CAMKMT: variants seen among roughly 807,000 people sequenced by gnomAD.
CAMKMT encodes the protein calmodulin-lysine N-methyltransferase.
A neutral mutation model predicts 48.0 loss-of-function variants in CAMKMT; 53 were observed. The observed-to-expected ratio is 1.10, with a 90% CI of 0.89 to 1.39. The LOEUF is 1.39. Among genes scored for constraint, CAMKMT ranks in the 40% most tolerant of loss-of-function variants. The pLI is 0.00. For missense variants in CAMKMT, 428 were observed against 402.7 expected (o/e 1.06, Z -0.54); for synonymous variants, 165 against 152.3 (o/e 1.08, Z -0.61).
chr2:44,766,562 G>A lies in CAMKMT; in HGVS notation c.894+1G>A, dbSNP rs759734819. Reference sequence around the variant, plus strand: ...ACACATTTCAAACTTCCACTCCAAGGTTAGTTTTCTGCTTGTGTTAGATAA... The same window carrying A: ...ACACATTTCAAACTTCCACTCCAAGATTAGTTTTCTGCTTGTGTTAGATAA... On this transcript the variant is annotated splice_donor_variant, in intron 10 of 10. Coordinates refer to ENST00000378494, the MANE Select transcript of CAMKMT (RefSeq NM_024766.5). LOFTEE classifies it high-confidence loss of function. 10 of 1,613,638 alleles carry A rather than the reference G, an allele frequency of 6.2e-6. No homozygotes were observed. Among genetic ancestry groups the A allele is most frequent in the Non-Finnish European group, 8.5e-6 (10 of 1,179,952 alleles).
chr2:44,672,599 G>A (rs1001751268), intron 3 of CAMKMT, among the ~76,000 whole-genome samples: 5 of 152,056 alleles, frequency 3.3e-5, no homozygotes, highest in African/African-American at 1.2e-4. Flanking sequence ...CATTCAAAGG[G>A]AACACCATGA....
Position 44,614,936 on chromosome 2 carries a change from CTTTTTTTT to C in CAMKMT, c.377-89330_377-89323del, listed in dbSNP as rs3083440. ...TCTAACCAGCTCTTTGGTCTCCTTG[CTTTTTTTT>C]TTTTTTTTTTTTTTTTGAGACAGGG... On this transcript the variant is annotated intron_variant, in intron 3 of 10. Coordinates refer to ENST00000378494, the MANE Select transcript of CAMKMT (RefSeq NM_024766.5). 6.1e-4 allele frequency among the ~76,000 whole-genome samples: 30 copies of C among 48,990 alleles called. 1 individual carries two copies. The highest frequency in any genetic ancestry group is 1.1e-3 in the South Asian group (1 of 922). 32.1% of individuals were successfully genotyped at this position (48,990 alleles called of 152,430 possible).
At chr2:44,452,313 C>T (rs1268603760) in intron 3 of CAMKMT, among the ~76,000 whole-genome samples, 1 of 151,936 alleles carries the variant, frequency 6.6e-6, no homozygotes, top group East Asian at 1.9e-4. Flanking sequence ...GCTTATTAAG[C>T]TTCTAACTAG....
At chr2:44,631,742 A>G in intron 3 of CAMKMT, 3 of 377,932 alleles carry the variant, frequency 7.9e-6, no homozygotes, top group East Asian at 3.8e-5. Flanking sequence ...CTATCTTGCT[A>G]TTTGTTTTCT....
chr2:44,464,236 AC>A (rs1667996721), intron 3 of CAMKMT, among the ~76,000 whole-genome samples: 1 of 152,238 alleles, frequency 6.6e-6, no homozygotes. Flanking sequence ...ACTTGATCAA[AC>A]AGGAAAGAAT....
intron 3 of CAMKMT, among the ~76,000 whole-genome samples, chr2:44,455,420 C>T (rs1024541727): frequency 1.3e-5 from 2 of 152,242 alleles, no homozygotes; most frequent in East Asian, 3.9e-4. Flanking sequence ...CCATGATACA[C>T]TGTAAGGGCT....
At chr2:44,722,169 C>CTTTTTT (rs1678500543) in intron 7 of CAMKMT, among the ~76,000 whole-genome samples, 1 of 77,936 alleles carries the variant, frequency 1.3e-5, no homozygotes, top group South Asian at 5.2e-4. Context: ...TTTCCTTTTT[C>CTTTTTT]TTTTTTCTTT....
At chr2:44,585,224 T>A (rs1669793248) in intron 3 of CAMKMT, among the ~76,000 whole-genome samples, 1 of 152,240 alleles carries the variant, frequency 6.6e-6, no homozygotes, top group East Asian at 1.9e-4. Context: ...AGTCACCACA[T>A]AGGAGAGCAT....
intron 3 of CAMKMT, among the ~76,000 whole-genome samples, chr2:44,391,197 TACTC>T (rs1572729778): frequency 6.6e-6 from 1 of 152,224 alleles, no homozygotes; most frequent in Non-Finnish European, 1.5e-5. Context: ...TGTTCAGTAA[TACTC>T]AGACAACACT....
intron 3 of CAMKMT, among the ~76,000 whole-genome samples, chr2:44,638,515 A>G (rs955499735): frequency 6.6e-6 from 1 of 152,226 alleles, no homozygotes; most frequent in African/African-American, 2.4e-5. Flanking sequence ...TGAGAACCCA[A>G]GGCAAAAACT....
At chr2:44,497,880 C>A (rs1039032744) in intron 3 of CAMKMT, among the ~76,000 whole-genome samples, 1 of 151,962 alleles carries the variant, frequency 6.6e-6, no homozygotes, top group Non-Finnish European at 1.5e-5. Context: ...AGTCTTCTTA[C>A]CAGAAGAGAA....
chr2:44,592,521 C>T (rs940878833), intron 3 of CAMKMT, among the ~76,000 whole-genome samples: 6 of 152,002 alleles, frequency 3.9e-5, no homozygotes, highest in Admixed American at 1.3e-4. Flanking sequence ...TTCAAGTAAC[C>T]CTTATTTTAC....
At chr2:44,433,973 G>A (rs915817743) in intron 3 of CAMKMT, among the ~76,000 whole-genome samples, 1 of 152,128 alleles carries the variant, frequency 6.6e-6, no homozygotes, top group African/African-American at 2.4e-5. Context: ...TGGAGTAGGT[G>A]AGTTGTTTGT....
At chr2:44,625,708 A>T (rs1030836101) in intron 3 of CAMKMT, among the ~76,000 whole-genome samples, 1 of 152,090 alleles carries the variant, frequency 6.6e-6, no homozygotes, top group Non-Finnish European at 1.5e-5. Flanking sequence ...GTAAGGGTCG[A>T]GGTTCATTTT....
intron 3 of CAMKMT, among the ~76,000 whole-genome samples, chr2:44,470,570 T>C (rs1668361165): frequency 6.6e-6 from 1 of 152,220 alleles, no homozygotes; most frequent in Non-Finnish European, 1.5e-5. Context: ...TTGTAGATTG[T>C]CAAGGGGGTT....
At chr2:44,605,105 C>T (rs1671210786) in intron 3 of CAMKMT, among the ~76,000 whole-genome samples, 1 of 152,134 alleles carries the variant, frequency 6.6e-6, no homozygotes, top group African/African-American at 2.4e-5. Flanking sequence ...GTTCTCTTCT[C>T]CTTTATTTCC....
chr2:44,706,142 C>T (rs938912096), intron 4 of CAMKMT, 145 bp from the exon 5 acceptor site: 23 of 656,118 alleles, frequency 3.5e-5, no homozygotes, highest in African/African-American at 1.8e-5. Context: ...CGCAAAACGA[C>T]ATGAGGTAGC....
intron 3 of CAMKMT, among the ~76,000 whole-genome samples, chr2:44,665,366 C>T (rs1317749326): frequency 1.3e-5 from 2 of 152,164 alleles, no homozygotes; most frequent in Non-Finnish European, 2.9e-5. Context: ...CCACCGTGCC[C>T]GGCCTCAGAG....
intron 3 of CAMKMT, among the ~76,000 whole-genome samples, chr2:44,600,452 A>G (rs1044596269): frequency 6.6e-6 from 1 of 151,868 alleles, no homozygotes; most frequent in Non-Finnish European, 1.5e-5. Flanking sequence ...TTTTTGGTAG[A>G]GAGACAGGGT....
Sources: allele counts gnomAD v4.1 joint callset (sites outside exome capture counted in the v4.1 genomes callset), GRCh38; gene constraint gnomAD v4.1.1; transcripts MANE v1.5; gene names NCBI Gene and HGNC (gene_info 2026-07-23, HGNC 2026-07-21).